SEC22A: variants seen among roughly 807,000 people sequenced by gnomAD.
SEC22A encodes the protein SEC22 homolog A, vesicle trafficking protein, also known as vesicle-trafficking protein SEC22a.
In SEC22A, 22 loss-of-function variants were observed where a neutral mutation model predicts 35.3. That is an observed-to-expected ratio of 0.62 (90% confidence interval 0.45 to 0.89). The LOEUF (loss-of-function observed/expected upper bound fraction) is 0.89. SEC22A is among the 40% of genes least tolerant of loss of function. The probability of loss-of-function intolerance (pLI) is 0.00; values close to 1 mark genes in which losing one functional copy is unlikely to be tolerated. For missense variants in SEC22A, 354 were observed against 362.5 expected (o/e 0.98, Z 0.19); for synonymous variants, 119 against 129.5 (o/e 0.92, Z 0.55).
At chr3:123,202,405 T>A (rs1247623600) in intron 1 of SEC22A, among the ~76,000 whole-genome samples, 1 of 152,130 alleles carries the variant, frequency 6.6e-6, no homozygotes, top group East Asian at 1.9e-4. Context: ...CATGAGAGCT[T>A]GAGGTGGCAT....
rs186728144 is a variant in SEC22A, at chr3:123,215,876, A to G, written c.182+6477A>G. ...TACCACCCCCCTCTTTTTTTGGTCAATAATAATGAGGAACAGAGTATGTGT... is the reference window on the plus strand; with the variant it reads ...TACCACCCCCCTCTTTTTTTGGTCAGTAATAATGAGGAACAGAGTATGTGT... On this transcript the variant is annotated intron_variant, in intron 2 of 6. Transcript: ENST00000492595. Among the ~76,000 whole-genome samples, 78 of 152,254 alleles carry G rather than the reference A, an allele frequency of 5.1e-4. 1 individual carries two copies. The highest frequency in any genetic ancestry group is 8.5e-4 in the Admixed American group (13 of 15,294).
chr3:123,258,761 T>C (rs1937802953), intron 5 of SEC22A, among the ~76,000 whole-genome samples: 1 of 151,948 alleles, frequency 6.6e-6, no homozygotes. Context: ...GCCAAATTAA[T>C]GTTCCTGCCT....
intron 6 of SEC22A, among the ~76,000 whole-genome samples, chr3:123,267,370 A>G (rs1938050690): frequency 6.7e-6 from 1 of 150,332 alleles, no homozygotes; most frequent in Admixed American, 6.6e-5. Flanking sequence ...TTTTTAGTGT[A>G]TCTATTTGTA....
At chr3:123,253,167 G>C (rs1181766975) in intron 5 of SEC22A, among the ~76,000 whole-genome samples, 1 of 152,042 alleles carries the variant, frequency 6.6e-6, no homozygotes, top group Non-Finnish European at 1.5e-5. Context: ...AAGATACCTG[G>C]GTCCCATCTG....
intron 6 of SEC22A, among the ~76,000 whole-genome samples, chr3:123,269,537 A>G (rs183391464): frequency 3.3e-5 from 5 of 152,140 alleles, no homozygotes; most frequent in Admixed American, 6.5e-5. Flanking sequence ...CCTCATTTCA[A>G]TCTTGACAAA....
chr3:123,264,118 A>G (rs1191635242), intron 6 of SEC22A, among the ~76,000 whole-genome samples: 2 of 152,060 alleles, frequency 1.3e-5, no homozygotes, highest in East Asian at 3.9e-4. Flanking sequence ...TTTGTTGCCC[A>G]GGCTGGTCTT....
rs1937201445 is a variant in SEC22A, at chr3:123,225,314, A to C, written c.541+17A>C. 4 of 1,474,418 alleles carry C rather than the reference A, an allele frequency of 2.7e-6. No homozygotes were observed. Among genetic ancestry groups the C allele is most frequent in the Admixed American group, 2.1e-5 (1 of 46,546 alleles). The allele number at this position is 1,474,418 out of a possible 1,614,324, so 91.3% of individuals were successfully genotyped here. ...TTTCTTCTGGTGAGTTCTGGATCTC[A>C]GTTATTTTATTTTAAAAAAATCCTT... On this transcript the variant is annotated intron_variant, in intron 4 of 6. Transcript: ENST00000492595.
At chr3:123,224,614 A>G (rs1937188584) in intron 3 of SEC22A, among the ~76,000 whole-genome samples, 1 of 152,132 alleles carries the variant, frequency 6.6e-6, no homozygotes, top group African/African-American at 2.4e-5. Flanking sequence ...TGGGCAACAT[A>G]GACCCTGTCT....
intron 4 of SEC22A, among the ~76,000 whole-genome samples, chr3:123,240,102 C>T (rs545990764): frequency 2.0e-4 from 30 of 152,140 alleles, no homozygotes; most frequent in Non-Finnish European, 4.0e-4. Context: ...GATTGGAATG[C>T]GTATGAAAGG....
At chr3:123,241,890 CA>C (rs1937526377) in intron 4 of SEC22A, among the ~76,000 whole-genome samples, 1 of 151,126 alleles carries the variant, frequency 6.6e-6, no homozygotes, top group Non-Finnish European at 1.5e-5. Context: ...CACAGAAAGA[CA>C]AACATTGCAT....
intron 6 of SEC22A, among the ~76,000 whole-genome samples, chr3:123,267,827 G>A (rs1938060322): frequency 6.6e-6 from 1 of 151,976 alleles, no homozygotes; most frequent in African/African-American, 2.4e-5. Flanking sequence ...GGATATTTTT[G>A]TTGAATACAG....
intron 5 of SEC22A, among the ~76,000 whole-genome samples, chr3:123,255,922 C>CTTT (rs35426251): frequency 9.0e-5 from 13 of 143,748 alleles, no homozygotes; most frequent in African/African-American, 1.5e-4. Context: ...TTTCTTCTTT[C>CTTT]TTTTTTTTTT....
rs906083259 is a variant in SEC22A at position 123,273,950 on chromosome 3, A to G, written c.*2228A>G. 1 of 152,210 alleles carries G rather than the reference A, an allele frequency of 6.6e-6. No individual in the cohort carries two copies. The highest frequency in any genetic ancestry group is 1.5e-5 in the Non-Finnish European group (1 of 68,036). The allele number at this position is 152,210 out of a possible 1,614,324, so 9.4% of individuals were successfully genotyped here. ...TCAGGAGCTACCTCCTTGTCATTGA[A>G]TTGACGAGTTACAATGTTTGGTATT... is the stretch of plus-strand genomic sequence containing the variant. On this transcript the variant is annotated 3_prime_UTR_variant, in exon 7 of 7. Coordinates refer to ENST00000492595, the MANE Select transcript of SEC22A (RefSeq NM_012430.5).
chr3:123,256,758 C>CTTCTTTT lies in SEC22A; in HGVS notation c.658-2764_658-2763insCTTTTTT, dbSNP rs1553712645. Among the ~76,000 whole-genome samples the CTTCTTTT allele has an allele frequency of 3.6e-5, 3 of 83,546 alleles. 1 individual carries two copies. Among genetic ancestry groups the CTTCTTTT allele is most frequent in the African/African-American group, 5.8e-5 (1 of 17,104 alleles). The allele number at this position is 83,546 out of a possible 152,430, so 54.8% of individuals were successfully genotyped here. On this transcript the variant is annotated intron_variant, in intron 5 of 6. Coordinates refer to ENST00000492595, the MANE Select transcript of SEC22A (RefSeq NM_012430.5). ...TGGACTTAACTCTTCTTTTTCTTTCCTTTTTTTTTTTTTTTTTTTGAGGTG... is the reference window on the plus strand; with the variant it reads ...TGGACTTAACTCTTCTTTTTCTTTCCTTCTTTTTTTTTTTTTTTTTTTTTTTGAGGTG...
At position 123,272,351 on chromosome 3, in the gene SEC22A, G is replaced by C. The variant is rs745540491; in HGVS notation, c.*629G>C. The C allele has an allele frequency of 6.6e-6, 1 of 152,098 alleles. No homozygotes were observed. The highest frequency in any genetic ancestry group is 1.5e-5 in the Non-Finnish European group (1 of 68,046). The allele number at this position is 152,098 out of a possible 1,614,324, so 9.4% of individuals were successfully genotyped here. On this transcript the variant is annotated 3_prime_UTR_variant, in exon 7 of 7. Transcript: ENST00000492595. ...TCACAAGTATCGAAAATACAGTAATGGATGTTTCCTTTCTAATCCACATTT... is the reference window on the plus strand; with the variant it reads ...TCACAAGTATCGAAAATACAGTAATCGATGTTTCCTTTCTAATCCACATTT...
intron 2 of SEC22A, among the ~76,000 whole-genome samples, chr3:123,214,633 GA>G (rs1021474032): frequency 6.6e-6 from 1 of 152,054 alleles, no homozygotes; most frequent in Non-Finnish European, 1.5e-5. Flanking sequence ...TACCACTTAA[GA>G]AAAAAACATG....
At chr3:123,234,861 A>G (rs1937387931) in intron 4 of SEC22A, among the ~76,000 whole-genome samples, 1 of 152,022 alleles carries the variant, frequency 6.6e-6, no homozygotes, top group African/African-American at 2.4e-5. Flanking sequence ...CATCTCTACA[A>G]AAAATACAAA....
At chr3:123,246,454 A>C (rs1219012911) in intron 5 of SEC22A, among the ~76,000 whole-genome samples, 1 of 152,186 alleles carries the variant, frequency 6.6e-6, no homozygotes, top group Admixed American at 6.5e-5. Flanking sequence ...TGAAGAGGGC[A>C]CACGTGGGCT....
In SEC22A at chr3:123,223,708, G is replaced by A. The variant is rs1471056540; in HGVS notation, c.332G>A (p.Cys111Tyr). 6.2e-7 allele frequency: 1 copy of A among 1,610,648 alleles called. No individual in the cohort carries two copies. Among genetic ancestry groups the A allele is most frequent in the South Asian group, 1.1e-5 (1 of 90,356 alleles). Residue 111 changes from cysteine to tyrosine, a missense_variant, in exon 3 of 7, where the codon TGT becomes TAT. Coordinates refer to ENST00000492595, the MANE Select transcript of SEC22A (RefSeq NM_012430.5). ...MKTNTAVRPY[C>Y]FIEFDNFIQR... Reference sequence around the variant, plus strand: ...ACAAATACTGCTGTCAGACCATACTGTTTCATTGAATTTGGTAAGGGCCTG... The same window carrying A: ...ACAAATACTGCTGTCAGACCATACTATTTCATTGAATTTGGTAAGGGCCTG...
Sources: gnomAD v4.1 joint callset for allele counts (sites outside exome capture counted in the v4.1 genomes callset) on GRCh38, gnomAD v4.1.1 for gene constraint, MANE v1.5 for transcripts, NCBI Gene and HGNC (gene_info 2026-07-23, HGNC 2026-07-21) for gene names.